Variants in SMARCA4 observed in about 807,000 individuals in gnomAD.
SMARCA4 encodes SWI/SNF-related matrix-associated actin-dependent regulator of chromatin subfamily A member 4.
Under a neutral mutation model 193.9 loss-of-function variants are expected in SMARCA4, and 31 were observed. The observed-to-expected ratio is 0.16, with a 90% CI of 0.12 to 0.22. The LOEUF is 0.22. SMARCA4 is among the 10% of genes least tolerant of loss of function. The pLI, the probability that SMARCA4 is intolerant of heterozygous loss-of-function variation, is 1.00. For synonymous variants in SMARCA4, 942 were observed against 933.1 expected (o/e 1.01, Z -0.17); for missense variants, 1,148 against 2,296.0 (o/e 0.50, Z 10.22).
intron 1 of SMARCA4, among the ~76,000 whole-genome samples, chr19:10,972,104 C>T (rs1220497211): frequency 6.6e-6 from 1 of 152,058 alleles, no homozygotes; most frequent in African/African-American, 2.4e-5. Context: ...GGATTACGGG[C>T]GCCTGCCACC....
At chr19:11,023,464 C>A in intron 19 of SMARCA4, 54 bp from the exon 20 acceptor site, 1 of 1,155,068 alleles carries the variant, frequency 8.7e-7, no homozygotes, top group Non-Finnish European at 1.3e-6. Context: ...AGTGAGACCT[C>A]TGTCGCCCTC....
intron 30 of SMARCA4, among the ~76,000 whole-genome samples, chr19:11,051,986 G>A (rs185777720): frequency 2.6e-5 from 4 of 152,114 alleles, no homozygotes; most frequent in South Asian, 2.1e-4. Context: ...TCCCAGTTAC[G>A]AGGGAGGCTG....
rs545214827 is a variant in SMARCA4 at position 10,963,857 on chromosome 19, G to A, written c.-32+2683G>A. 1.2e-4 allele frequency among the ~76,000 whole-genome samples: 18 copies of A among 151,982 alleles called. No individual in the cohort carries two copies. The South Asian group carries it at 2.1e-3, about 18-fold the overall frequency. On this transcript the variant is annotated intron_variant, in intron 1 of 34. Coordinates refer to ENST00000344626, the MANE Select transcript of SMARCA4 (RefSeq NM_003072.5). ...AGTCCCAAGCTCCTTGAGAGGCTGG[G>A]GCAGGAGGTACAGGCTGCAGTGGAC...
rs752051646 is a variant in SMARCA4, at chr19:10,989,413, G to A, written c.1215G>A (p.Lys405=). 1 of 1,614,150 alleles carries A rather than the reference G, an allele frequency of 6.2e-7. No homozygotes were observed. The highest frequency in any genetic ancestry group is 8.5e-7 in the Non-Finnish European group (1 of 1,180,012). Residue 405 remains lysine (K), a synonymous_variant, in exon 7 of 35, where the codon AAG becomes AAA. Coordinates refer to ENST00000344626, the MANE Select transcript of SMARCA4 (RefSeq NM_003072.5). The part of the protein sequence containing the change: ...DLRTKATIEL[K]ALRLLNFQRQ... ...GAACCAAAGCGACCATTGAGCTCAA[G>A]GCCCTCAGGCTGCTGAACTTCCAGA... is the stretch of plus-strand genomic sequence containing the variant.
At chr19:11,038,050 A>G (rs781215135) in intron 29 of SMARCA4, among the ~76,000 whole-genome samples, 9 of 152,332 alleles carry the variant, frequency 5.9e-5, no homozygotes, top group Middle Eastern at 3.4e-3. Flanking sequence ...AAATGCTCCT[A>G]TGGCCGCCAT....
At chr19:10,965,843 G>C (rs1217900730) in intron 1 of SMARCA4, among the ~76,000 whole-genome samples, 1 of 151,936 alleles carries the variant, frequency 6.6e-6, no homozygotes, top group Non-Finnish European at 1.5e-5. Flanking sequence ...CAAGGAGGAA[G>C]GTATAATCTT....
rs1271023238 is a variant in SMARCA4, at chr19:11,046,967, A to G, written c.4424+5407A>G. Among the ~76,000 whole-genome samples, 7 of 147,632 alleles carry G rather than the reference A, an allele frequency of 4.7e-5. 1 individual carries two copies. Among genetic ancestry groups the G allele is most frequent in the Middle Eastern group, 3.6e-3 (1 of 278 alleles). On this transcript the variant is annotated intron_variant, in intron 30 of 34. Coordinates refer to ENST00000344626, the MANE Select transcript of SMARCA4 (RefSeq NM_003072.5). ...CTGTTGCAAAAAAAAAAAAAAAAAA[A>G]GCAAAAGAAAAGCTGCCTCCATTTA...
rs1031431376 is a variant in SMARCA4 at position 10,976,349 on chromosome 19, C to T, written c.-31-7772C>T. On this transcript the variant is annotated intron_variant, in intron 1 of 34. Coordinates refer to ENST00000344626, the MANE Select transcript of SMARCA4 (RefSeq NM_003072.5). ...CATCCAGCTTCTACAGGGCTGGCCTCACCCCAGCCCTTCAGGGAGGGTGAG... is the reference window on the plus strand; with the variant it reads ...CATCCAGCTTCTACAGGGCTGGCCTTACCCCAGCCCTTCAGGGAGGGTGAG... Among the ~76,000 whole-genome samples, 7 of 152,170 alleles carry T rather than the reference C, an allele frequency of 4.6e-5. No individual in the cohort carries two copies. In the South Asian group the frequency reaches 1.2e-3, roughly 27 times the overall value.
chr19:10,987,966 C>T lies in SMARCA4; in HGVS notation c.1118+42C>T, dbSNP rs1487579158. Reference sequence around the variant, plus strand: ...GTTGCCAAGGTCACTGCCCTGTGTCCCCCATGTCCCCCTGGGGAAGCCACT... The same window carrying T: ...GTTGCCAAGGTCACTGCCCTGTGTCTCCCATGTCCCCCTGGGGAAGCCACT... On this transcript the variant is annotated intron_variant, in intron 6 of 34. Transcript: ENST00000344626. The surrounding 1 kb of genome is among the most constrained non-coding windows in gnomAD (Gnocchi z 5.3). The T allele has an allele frequency of 1.2e-6, 2 of 1,604,326 alleles. No individual in the cohort carries two copies. The highest frequency in any genetic ancestry group is 1.7e-6 in the Non-Finnish European group (2 of 1,175,154).
rs995632376 is a variant in SMARCA4 at position 10,986,547 on chromosome 19, C to T, written c.714C>T (p.Pro238=). ...CCGGCCCTGGCCCTGGCCCTGGCCC[C>T]GGCCCGGGTCCCGGCCCGGCACCTC... ...TGPGPGPGPG[P]GPGPGPAPPN... is the part of the protein sequence containing the mutation. The change falls in exon 4 of 35, where the codon CCC becomes CCT. Residue 238 remains proline (P), a synonymous_variant. Transcript: ENST00000344626. The surrounding 1 kb of genome is among the most constrained non-coding windows in gnomAD (Gnocchi z 6.7). 2.7e-5 allele frequency: 42 copies of T among 1,539,238 alleles called. 1 individual carries two copies. Among genetic ancestry groups the T allele is most frequent in the African/African-American group, 2.3e-4 (17 of 72,700 alleles).
At chr19:11,036,623 C>G (rs748666911) in intron 29 of SMARCA4, among the ~76,000 whole-genome samples, 17 of 152,164 alleles carry the variant, frequency 1.1e-4, no homozygotes, top group Non-Finnish European at 1.9e-4. Context: ...CGTGGCTGCT[C>G]TATGTACATT....
chr19:11,016,680 C>T (rs2089393289), intron 16 of SMARCA4, among the ~76,000 whole-genome samples: 1 of 152,062 alleles, frequency 6.6e-6, no homozygotes, highest in South Asian at 2.1e-4. Flanking sequence ...AGTATGGACC[C>T]ACGGATATTT....
chr19:10,996,624 C>A (rs112315964), intron 11 of SMARCA4, 80 bp downstream of exon 11: 2 of 1,344,304 alleles, frequency 1.5e-6, no homozygotes, highest in African/African-American at 1.4e-5. Flanking sequence ...AACCTGTGTT[C>A]TTTTAAAATT....
At chr19:10,964,891 G>T (rs772916006) in intron 1 of SMARCA4, among the ~76,000 whole-genome samples, 15 of 152,166 alleles carry the variant, frequency 9.9e-5, no homozygotes, top group Non-Finnish European at 2.2e-4. Context: ...AAAGTGTTGG[G>T]ATTATAGGCG....
chr19:10,983,899 C>T (rs921527471), intron 1 of SMARCA4, among the ~76,000 whole-genome samples: 6 of 151,984 alleles, frequency 3.9e-5, no homozygotes, highest in Admixed American at 2.6e-4. Context: ...TGTCTGTGAG[C>T]GTGGCCCACC....
intron 1 of SMARCA4, chr19:10,977,613 C>T (rs1265673294): frequency 6.6e-6 from 1 of 152,260 alleles, no homozygotes; most frequent in African/African-American, 2.4e-5. Flanking sequence ...CATGGGCCAC[C>T]ATGCCCAGCC....
Position 11,051,611 on chromosome 19 carries a change from C to T in SMARCA4, c.4425-6644C>T, listed in dbSNP as rs1234781294. On this transcript the variant is annotated intron_variant, in intron 30 of 34. Transcript: ENST00000344626. ...GTTCAAGCAATTCTCCTGTTTCAGCCTCCCGAGTAGCTGGGACTACAGGCA... is the reference window on the plus strand; with the variant it reads ...GTTCAAGCAATTCTCCTGTTTCAGCTTCCCGAGTAGCTGGGACTACAGGCA... Among the ~76,000 whole-genome samples the T allele has an allele frequency of 2.6e-5, 4 of 152,020 alleles. No individual in the cohort carries two copies. In the East Asian group the frequency reaches 7.8e-4, roughly 30 times the overall value.
At chr19:11,050,152 G>A (rs942625904) in intron 30 of SMARCA4, among the ~76,000 whole-genome samples, 4 of 152,230 alleles carry the variant, frequency 2.6e-5, no homozygotes, top group Non-Finnish European at 5.9e-5. Flanking sequence ...TGCTTGTGCT[G>A]AGGTCAGGAG....
intron 25 of SMARCA4, among the ~76,000 whole-genome samples, chr19:11,032,856 G>A (rs1201398493): frequency 2.6e-5 from 4 of 152,146 alleles, no homozygotes; most frequent in African/African-American, 9.7e-5. Context: ...CCGGTTCTGT[G>A]TGCACTGTGA....
Sources: gnomAD v4.1 joint callset for allele counts (sites outside exome capture counted in the v4.1 genomes callset) on GRCh38, gnomAD v4.1.1 for gene constraint, Gnocchi (gnomAD v3.1) non-coding constraint, MANE v1.5 for transcripts, NCBI Gene and HGNC (gene_info 2026-07-23, HGNC 2026-07-21) for gene names.